ADAM32: variants seen among roughly 807,000 people sequenced by gnomAD.
ADAM32 encodes the protein ADAM metallopeptidase domain 32.
ADAM32 carries 89 observed loss-of-function variants against 114.9 expected under a neutral mutation model. The ratio of observed to expected loss-of-function variants is 0.77; its 90% confidence interval spans 0.65 to 0.92. The LOEUF (loss-of-function observed/expected upper bound fraction) is 0.92. Among genes scored for constraint, ADAM32 ranks in the 40% least tolerant of loss-of-function variants. The probability of loss-of-function intolerance (pLI) is 0.00; values close to 1 mark genes in which losing one functional copy is unlikely to be tolerated. For synonymous variants in ADAM32, 285 were observed against 307.5 expected (o/e 0.93, Z 0.77); for missense variants, 870 against 932.8 (o/e 0.93, Z 0.88).
chr8:39,124,965 C>G (rs897490350), intron 2 of ADAM32, among the ~76,000 whole-genome samples: 11 of 152,192 alleles, frequency 7.2e-5, no homozygotes, highest in African/African-American at 2.4e-4. Context: ...TTCCCCCCAA[C>G]AGTGTAAAAG....
Position 39,211,244 on chromosome 8 carries a change from A to G in ADAM32, c.1153A>G (p.Met385Val). 3 of 1,606,628 alleles carry G rather than the reference A, an allele frequency of 1.9e-6. No homozygotes were observed. Among genetic ancestry groups the G allele is most frequent in the Non-Finnish European group, 2.5e-6 (3 of 1,176,822 alleles). The change falls in exon 12 of 25, where the codon ATG becomes GTG. Residue 385 changes from methionine to valine, a missense_variant. Physicochemically the swap from Met to Val is conservative, Grantham distance 21. Transcript: ENST00000379907. ...CAAATGTCTTCAGAATAAGCCACAA[A>G]TGCAAAAAAAATCTCCGAAACCAGT... The part of the protein sequence containing the change: ...GVKCLQNKPQ[M>V]QKKSPKPVCG...
At chr8:39,120,059 C>A (rs1364047409) in intron 2 of ADAM32, among the ~76,000 whole-genome samples, 1 of 152,196 alleles carries the variant, frequency 6.6e-6, no homozygotes, top group African/African-American at 2.4e-5. Flanking sequence ...GGAGAGGCCT[C>A]ACCAGAAATC....
chr8:39,142,953 T>C lies in ADAM32; in HGVS notation c.201-4177T>C, dbSNP rs190032019. ...TTGTCTTCTCACTTTATTTCATTAA[T>C]TTGATCTTTAATCACTGATATTGTT... On this transcript the variant is annotated intron_variant, in intron 3 of 24. Coordinates refer to ENST00000379907, the MANE Select transcript of ADAM32 (RefSeq NM_145004.7). 1.7e-3 allele frequency among the ~76,000 whole-genome samples: 254 copies of C among 152,368 alleles called. 1 individual carries two copies. Among genetic ancestry groups the C allele is most frequent in the African/African-American group, 5.7e-3 (237 of 41,584 alleles).
At chr8:39,150,012 A>G (rs1391116951) in intron 5 of ADAM32, 145 bp downstream of exon 5, 6 of 539,444 alleles carry the variant, frequency 1.1e-5, no homozygotes, top group African/African-American at 3.9e-5. Flanking sequence ...CATGTTTCCA[A>G]TTCTCTTATT....
chr8:39,237,450 T>C (rs1441129021), intron 16 of ADAM32, among the ~76,000 whole-genome samples: 1 of 152,160 alleles, frequency 6.6e-6, no homozygotes, highest in African/African-American at 2.4e-5. Flanking sequence ...CTGCTTGCTT[T>C]CTCAGTGGGG....
At chr8:39,207,232 C>T (rs749327014) in intron 11 of ADAM32, among the ~76,000 whole-genome samples, 24 of 152,044 alleles carry the variant, frequency 1.6e-4, no homozygotes, top group Non-Finnish European at 2.6e-4. Context: ...GCTCTTAGAA[C>T]CTCTATTTAA....
In ADAM32 at chr8:39,203,931, C is replaced by G. The variant is rs1245565531; in HGVS notation, c.1053-7213C>G. ...GATATGAAATTCTGGGTTGAAAATT[C>G]TTTTCTTTAAGAATGTTGAATATTG... On this transcript the variant is annotated intron_variant, in intron 11 of 24. Coordinates refer to ENST00000379907, the MANE Select transcript of ADAM32 (RefSeq NM_145004.7). Among the ~76,000 whole-genome samples, 4 of 152,234 alleles carry G rather than the reference C, an allele frequency of 2.6e-5. 1 individual carries two copies. Among genetic ancestry groups the G allele is most frequent in the African/African-American group, 9.6e-5 (4 of 41,544 alleles).
chr8:39,218,477 C>T (rs975804936), intron 12 of ADAM32, among the ~76,000 whole-genome samples: 1 of 152,280 alleles, frequency 6.6e-6, no homozygotes, highest in South Asian at 2.1e-4. Context: ...AGCCCCTGGG[C>T]AGGTGCAGAG....
At chr8:39,203,919 G>A (rs1216156705) in intron 11 of ADAM32, among the ~76,000 whole-genome samples, 2 of 152,082 alleles carry the variant, frequency 1.3e-5, no homozygotes, top group African/African-American at 4.8e-5. Context: ...ATGAAATTCT[G>A]GGTTGAAAAT....
chr8:39,172,971 T>C (rs1805289187), intron 10 of ADAM32, among the ~76,000 whole-genome samples: 1 of 152,200 alleles, frequency 6.6e-6, no homozygotes. Context: ...AGTCTAAACA[T>C]GTTCCAGGCC....
At chr8:39,225,864 A>G (rs1297132974) in intron 14 of ADAM32, among the ~76,000 whole-genome samples, 1 of 152,160 alleles carries the variant, frequency 6.6e-6, no homozygotes, top group African/African-American at 2.4e-5. Context: ...TGAAGGTATC[A>G]ATGCAATACA....
chr8:39,278,843 T>C (rs1813252417), intron 22 of ADAM32, among the ~76,000 whole-genome samples: 1 of 152,148 alleles, frequency 6.6e-6, no homozygotes, highest in South Asian at 2.1e-4. Flanking sequence ...GTTAAATGCC[T>C]GAACATGCTT....
chr8:39,257,729 G>T, intron 19 of ADAM32, among the ~76,000 whole-genome samples: 1 of 152,064 alleles, frequency 6.6e-6, no homozygotes, highest in East Asian at 1.9e-4. Flanking sequence ...CATATAAGAA[G>T]TAATTTTAAA....
Position 39,246,133 on chromosome 8 carries a change from A to C in ADAM32, c.1869A>C (p.Ala623=), listed in dbSNP as rs955510989. 3 of 1,613,508 alleles carry C rather than the reference A, an allele frequency of 1.9e-6. No individual in the cohort carries two copies. The highest frequency in any genetic ancestry group is 1.7e-5 in the Admixed American group (1 of 59,982). The change falls in exon 17 of 25, where the codon GCA becomes GCC. Residue 623 remains alanine, a synonymous_variant. Transcript: ENST00000379907. ...AATCAAGGATAATTAAGGCTTCAGC[A>C]CATGTTTGTTCACAACAGTGTTCTG... is the stretch of plus-strand genomic sequence containing the variant. ...CVESRIIKAS[A]HVCSQQCSGH...
At chr8:39,164,511 T>A (rs1005545509) in intron 7 of ADAM32, among the ~76,000 whole-genome samples, 80 of 152,368 alleles carry the variant, frequency 5.3e-4, no homozygotes, top group African/African-American at 1.9e-3. Context: ...GGCCATATAG[T>A]AAATCCATTC....
At chr8:39,225,031 A>G (rs554779985) in intron 14 of ADAM32, among the ~76,000 whole-genome samples, 113 of 152,306 alleles carry the variant, frequency 7.4e-4, no homozygotes, top group Middle Eastern at 3.4e-3. Context: ...GGCGTCTTTT[A>G]TCACTGAGGT....
chr8:39,109,869 T>C (rs761582236), intron 1 of ADAM32, among the ~76,000 whole-genome samples: 4 of 152,180 alleles, frequency 2.6e-5, no homozygotes, highest in Non-Finnish European at 5.9e-5. Context: ...GCCCTACAAA[T>C]CCCATGTGTT....
Position 39,257,227 on chromosome 8 carries a change from C to G in ADAM32, c.2046C>G (p.Thr682=). 6.2e-7 allele frequency: 1 copy of G among 1,609,970 alleles called. No homozygotes were observed. Among genetic ancestry groups the G allele is most frequent in the Non-Finnish European group, 8.5e-7 (1 of 1,177,710 alleles). ...GAGCATCTGGGAAGACTGAAAACAC[C>G]TGGCTTCTAGGTTTCCTCATTGCTC... ...MERASGKTEN[T]WLLGFLIALP... Residue 682 remains threonine, a synonymous_variant, in exon 19 of 25, where the codon ACC becomes ACG. Coordinates refer to ENST00000379907, the MANE Select transcript of ADAM32 (RefSeq NM_145004.7).
chr8:39,188,456 A>T (rs1027163876), intron 11 of ADAM32, among the ~76,000 whole-genome samples: 1 of 152,128 alleles, frequency 6.6e-6, no homozygotes, highest in Non-Finnish European at 1.5e-5. Context: ...CTCATTGTTC[A>T]TATGGCCAGC....
Sources: allele counts gnomAD v4.1 joint callset (sites outside exome capture counted in the v4.1 genomes callset), GRCh38; gene constraint gnomAD v4.1.1; transcripts MANE v1.5; gene names NCBI Gene and HGNC (gene_info 2026-07-23, HGNC 2026-07-21).